SLC2A13: variants seen among roughly 807,000 people sequenced by gnomAD.
SLC2A13 encodes the protein proton myo-inositol cotransporter.
In SLC2A13, 32 loss-of-function variants were observed where a neutral mutation model predicts 64.4. The ratio of observed to expected loss-of-function variants is 0.50; its 90% CI spans 0.37 to 0.67. The LOEUF is 0.67. Ranked by LOEUF, SLC2A13 falls within the 30% of genes least tolerant of loss-of-function variation. The probability of loss-of-function intolerance (pLI) is 0.00; values close to 1 mark genes in which losing one functional copy is unlikely to be tolerated. For missense variants in SLC2A13, 743 were observed against 829.2 expected, an observed-to-expected ratio of 0.90 and a Z score of 1.28; for synonymous variants, 338 against 327.1, an observed-to-expected ratio of 1.03 and a Z score of -0.36.
At position 39,893,213 on chromosome 12, in the gene SLC2A13, A is replaced by T. The variant is rs531938331; in HGVS notation, c.1035-21252T>A. On this transcript the variant is annotated intron_variant, in intron 4 of 9. Transcript: ENST00000280871. ...CCAATTTTCTAGAAAAATGCTTAGC[A>T]ACATTCTAAATGAATACTTGGGATT... 1.0e-3 allele frequency among the ~76,000 whole-genome samples: 158 copies of T among 152,344 alleles called. 1 individual carries two copies. The highest frequency in any genetic ancestry group is 3.5e-3 in the African/African-American group (145 of 41,592).
chr12:40,008,613 C>CAAA (rs764049845), intron 3 of SLC2A13, among the ~76,000 whole-genome samples: 16 of 109,730 alleles, frequency 1.5e-4, no homozygotes, highest in African/African-American at 5.4e-4. Context: ...TGCGTCACTC[C>CAAA]AAAAAAAAAA....
At chr12:39,895,086 C>A (rs1944706103) in intron 4 of SLC2A13, among the ~76,000 whole-genome samples, 1 of 151,956 alleles carries the variant, frequency 6.6e-6, no homozygotes, top group African/African-American at 2.4e-5. Context: ...CCAGGCTGGT[C>A]TTGAACTTCT....
intron 7 of SLC2A13, among the ~76,000 whole-genome samples, chr12:39,772,319 A>G (rs1036661078): frequency 7.2e-5 from 11 of 152,162 alleles, no homozygotes; most frequent in South Asian, 4.1e-4. Context: ...GAGTCCATAT[A>G]GGGTTGTTAC....
At chr12:39,981,021 C>T (rs2136148390) in intron 3 of SLC2A13, among the ~76,000 whole-genome samples, 1 of 151,992 alleles carries the variant, frequency 6.6e-6, no homozygotes, top group East Asian at 1.9e-4. Flanking sequence ...TTAAGAATCT[C>T]ACTCAAAGCC....
intron 7 of SLC2A13, among the ~76,000 whole-genome samples, chr12:39,814,530 T>A (rs1158459727): frequency 6.6e-6 from 1 of 152,122 alleles, no homozygotes; most frequent in Non-Finnish European, 1.5e-5. Flanking sequence ...AATTAATAGA[T>A]AAAAGTTCTT....
chr12:40,092,952 G>C (rs781208600), intron 1 of SLC2A13, among the ~76,000 whole-genome samples: 22 of 152,208 alleles, frequency 1.4e-4, no homozygotes, highest in Non-Finnish European at 2.1e-4. Flanking sequence ...AAAGAGAGGA[G>C]ACATTAGAGC....
intron 6 of SLC2A13, among the ~76,000 whole-genome samples, chr12:39,854,933 C>T (rs897171876): frequency 1.3e-5 from 2 of 152,226 alleles, no homozygotes; most frequent in Non-Finnish European, 1.5e-5. Flanking sequence ...GCTCCCTCCT[C>T]TGTGACGGGT....
At chr12:40,019,923 T>C (rs995873576) in intron 3 of SLC2A13, among the ~76,000 whole-genome samples, 6 of 152,128 alleles carry the variant, frequency 3.9e-5, no homozygotes, top group Non-Finnish European at 5.9e-5. Flanking sequence ...CACCTCCTTA[T>C]TGAAGGCTCA....
chr12:39,792,641 C>G (rs1389139745), intron 7 of SLC2A13, among the ~76,000 whole-genome samples: 1 of 152,090 alleles, frequency 6.6e-6, no homozygotes, highest in African/African-American at 2.4e-5. Context: ...ATACCAAAAC[C>G]CACACATACT....
chr12:39,851,947 A>G (rs34569474), intron 6 of SLC2A13, among the ~76,000 whole-genome samples: 4,488 of 152,302 alleles, frequency 0.029, 94 homozygotes, highest in Non-Finnish European at 0.05. Flanking sequence ...TTCTCTGAGG[A>G]TGGGAACAAT....
chr12:39,991,147 C>T (rs1342603834), intron 3 of SLC2A13, among the ~76,000 whole-genome samples: 1 of 152,210 alleles, frequency 6.6e-6, no homozygotes, highest in Non-Finnish European at 1.5e-5. Flanking sequence ...GTGTTTTTCT[C>T]TACTTACTTC....
At chr12:39,811,723 C>T (rs1942167852) in intron 7 of SLC2A13, among the ~76,000 whole-genome samples, 1 of 152,162 alleles carries the variant, frequency 6.6e-6, no homozygotes, top group African/African-American at 2.4e-5. Flanking sequence ...AGCCATCCTT[C>T]TTAATCTCTG....
At chr12:39,908,451 G>A (rs185158408) in intron 4 of SLC2A13, among the ~76,000 whole-genome samples, 60 of 151,994 alleles carry the variant, frequency 3.9e-4, no homozygotes, top group African/African-American at 1.4e-3. Context: ...GAGTACAGAG[G>A]AAACTGTGTG....
chr12:39,935,196 C>T (rs141968211), intron 4 of SLC2A13, among the ~76,000 whole-genome samples: 219 of 152,084 alleles, frequency 1.4e-3, no homozygotes, highest in African/African-American at 5.2e-3. Flanking sequence ...TTAAGACCTG[C>T]CTGGGCAACA....
At chr12:39,912,072 C>T (rs1945441525) in intron 4 of SLC2A13, among the ~76,000 whole-genome samples, 2 of 151,996 alleles carry the variant, frequency 1.3e-5, no homozygotes, top group Non-Finnish European at 2.9e-5. Flanking sequence ...CCCAGGACCA[C>T]CCTGATCCTC....
chr12:40,076,674 G>A (rs890938406), intron 1 of SLC2A13, among the ~76,000 whole-genome samples: 1 of 152,080 alleles, frequency 6.6e-6, no homozygotes, highest in Non-Finnish European at 1.5e-5. Context: ...TACCCAGTAA[G>A]GGGACTGCTG....
At chr12:39,811,708 T>C (rs1361471918) in intron 7 of SLC2A13, among the ~76,000 whole-genome samples, 1 of 152,188 alleles carries the variant, frequency 6.6e-6, no homozygotes, top group South Asian at 2.1e-4. Flanking sequence ...GGCCACTTTA[T>C]TATAAGCCAT....
chr12:39,886,417 C>CA (rs1300191548), intron 4 of SLC2A13, among the ~76,000 whole-genome samples: 2 of 151,252 alleles, frequency 1.3e-5, no homozygotes, highest in Middle Eastern at 3.4e-3. Flanking sequence ...CAGCTGACAG[C>CA]AAAAAAAATC....
chr12:39,895,357 G>C (rs1592251816), intron 4 of SLC2A13, among the ~76,000 whole-genome samples: 1 of 151,076 alleles, frequency 6.6e-6, no homozygotes, highest in African/African-American at 2.4e-5. Context: ...GGGCTTGGTG[G>C]CAGGCACCTG....
Sources: gnomAD v4.1 joint callset for allele counts (sites outside exome capture counted in the v4.1 genomes callset) on GRCh38, gnomAD v4.1.1 for gene constraint, MANE v1.5 for transcripts, NCBI Gene and HGNC (gene_info 2026-07-23, HGNC 2026-07-21) for gene names.